The following EPS8L2 variants were observed in gnomAD, a reference collection of about 807,000 sequenced individuals.
EPS8L2 encodes the protein epidermal growth factor receptor kinase substrate 8-like protein 2.
In EPS8L2, 81 loss-of-function variants were observed where a neutral mutation model predicts 99.4. The ratio of observed to expected loss-of-function variants is 0.82; its 90% CI spans 0.68 to 0.98. The LOEUF (loss-of-function observed/expected upper bound fraction) is 0.98, where lower values mean the gene tolerates loss of function less well. Ranked by LOEUF, EPS8L2 falls within the 50% of genes least tolerant of loss-of-function variation. The pLI is 0.00. For missense variants in EPS8L2, 1,155 were observed against 968.8 expected, an observed-to-expected ratio of 1.19 and a Z score of -2.55; for synonymous variants, 509 against 407.3, an observed-to-expected ratio of 1.25 and a Z score of -3.01.
At chr11:722,316 T>C (rs1442104566) in intron 12 of EPS8L2, 85 bp from the exon 13 acceptor site, 1 of 1,565,196 alleles carries the variant, frequency 6.4e-7, no homozygotes, top group Non-Finnish European at 8.7e-7. Flanking sequence ...CAAAGTCCCT[T>C]CCCGAGGGCC....
In EPS8L2 at chr11:722,132, G is replaced by A. The variant is rs753598181; in HGVS notation, c.1026G>A (p.Glu342=). 1.2e-6 allele frequency: 2 copies of A among 1,612,958 alleles called. No homozygotes were observed. The highest frequency in any genetic ancestry group is 1.7e-6 in the Non-Finnish European group (2 of 1,179,872). The stretch of plus-strand genomic sequence containing the variant: ...ACATCCAGAACCCCAGCGCCGCGGA[G>A]CTCGTGCACTTCCTCTTCGGGCCTC... The part of the protein sequence containing the change: ...QKHIQNPSAA[E]LVHFLFGPLD... The change falls in exon 12 of 21, where the codon GAG becomes GAA. Residue 342 remains glutamate (E), a synonymous_variant. Transcript: ENST00000318562.
chr11:711,506 C>T (rs1203635991), intron 4 of EPS8L2, among the ~76,000 whole-genome samples: 2 of 151,948 alleles, frequency 1.3e-5, no homozygotes, highest in Non-Finnish European at 2.9e-5. Flanking sequence ...CCACCATGCC[C>T]ATCTAATTAT....
In EPS8L2 at chr11:725,724, G is replaced by C. The variant is rs922595710; in HGVS notation, c.1561-4G>C. ...TGGGGAGGGGCTGACGGCGCGCCCC[G>C]CAGGTGCTGGAGGACGGCCGGCAGT... On this transcript the variant is annotated splice_region_variant and splice_polypyrimidine_tract_variant and intron_variant, in intron 16 of 20. Coordinates refer to ENST00000318562, the MANE Select transcript of EPS8L2 (RefSeq NM_022772.4). 1 of 1,314,386 alleles carries C rather than the reference G, an allele frequency of 7.6e-7. No homozygotes were observed. Among genetic ancestry groups the C allele is most frequent in the Admixed American group, 4.1e-5 (1 of 24,666 alleles). The allele number at this position is 1,314,386 out of a possible 1,614,324, so 81.4% of individuals were successfully genotyped here.
intron 4 of EPS8L2, among the ~76,000 whole-genome samples, chr11:711,629 G>A (rs891966127): frequency 1.1e-4 from 17 of 152,120 alleles, no homozygotes; most frequent in Non-Finnish European, 2.1e-4. Flanking sequence ...TGAGCTCGTA[G>A]TCCAGCTACT....
In EPS8L2 at chr11:723,336, C is replaced by T; in HGVS notation, c.1437C>T (p.Ser479=). The T allele has an allele frequency of 7.0e-6, 11 of 1,566,468 alleles. No individual in the cohort carries two copies. The highest frequency in any genetic ancestry group is 4.7e-5 in the East Asian group (2 of 42,992). The change falls in exon 15 of 21, where the codon AGC becomes AGT. Residue 479 remains serine (S), a synonymous_variant. Transcript: ENST00000318562. ...TPPGDALPPV[S]SPHTHRGYQP... is the part of the protein sequence containing the mutation. ...CGGGGGATGCCCTACCACCAGTCAG[C>T]TCCCCACATACTCACAGGTAAGCCC... is the stretch of plus-strand genomic sequence containing the variant.
chr11:714,034 ATC>A (rs1163584100), intron 4 of EPS8L2, among the ~76,000 whole-genome samples: 1 of 152,096 alleles, frequency 6.6e-6, no homozygotes, highest in African/African-American at 2.4e-5. Flanking sequence ...TCCGGCCTCC[ATC>A]ATTGTGGTTT....
At position 726,097 on chromosome 11, in the gene EPS8L2, G is replaced by T; in HGVS notation, c.1681-1G>T. ...AGCCTAATCGCCCCCCGCCCCCGCA[G>T]GCCGGTCAGAAGTACTGGGGCCCCG... On this transcript the variant is annotated splice_acceptor_variant, in intron 17 of 20. Coordinates refer to ENST00000318562, the MANE Select transcript of EPS8L2 (RefSeq NM_022772.4). LOFTEE classifies it high-confidence loss of function. 6.3e-7 allele frequency: 1 copy of T among 1,585,926 alleles called. No individual in the cohort carries two copies. Among genetic ancestry groups the T allele is most frequent in the Non-Finnish European group, 8.6e-7 (1 of 1,162,016 alleles).
chr11:724,524 A>C lies in EPS8L2; in HGVS notation c.1455-200A>C, dbSNP rs1862265914. 1.7e-6 allele frequency: 1 copy of C among 588,906 alleles called. No individual in the cohort carries two copies. Among genetic ancestry groups the C allele is most frequent in the African/African-American group, 1.9e-5 (1 of 53,576 alleles). 36.5% of individuals were successfully genotyped at this position (588,906 alleles called of 1,614,324 possible). ...CCCACCTCCTGCCTGCCCCGCCTCC[A>C]CGCAGGGCCCCAAAGCTCTGGGGCT... On this transcript the variant is annotated intron_variant, in intron 15 of 20. Coordinates refer to ENST00000318562, the MANE Select transcript of EPS8L2 (RefSeq NM_022772.4). The surrounding 1 kb of genome is among the most constrained non-coding windows in gnomAD (Gnocchi z 5.5).
In EPS8L2 at chr11:725,743, C is replaced by T. The variant is rs775170562; in HGVS notation, c.1576C>T (p.Arg526Trp). 2.3e-6 allele frequency: 3 copies of T among 1,329,920 alleles called. No individual in the cohort carries two copies. Among genetic ancestry groups the T allele is most frequent in the Non-Finnish European group, 2.9e-6 (3 of 1,041,812 alleles). The allele number at this position is 1,329,920 out of a possible 1,614,324, so 82.4% of individuals were successfully genotyped here. A position where few individuals can be genotyped will look rare whatever the true frequency, so the allele number is the denominator to read the frequency against. ...CGCCCCGCAGGTGCTGGAGGACGGC[C>T]GGCAGTGGTGGAAGCTGCGCAGCCG... ...DEVLEVLEDG[R>W]QWWKLRSRSG... is the part of the protein sequence containing the mutation. Residue 526 changes from arginine (R) to tryptophan (W), a missense_variant, in exon 17 of 21, where the codon CGG (arginine) becomes TGG (tryptophan). By Grantham distance (101) the Arg-to-Trp change is moderately radical. Coordinates refer to ENST00000318562, the MANE Select transcript of EPS8L2 (RefSeq NM_022772.4).
At chr11:715,161 G>GGA (rs1861989247) in intron 4 of EPS8L2, among the ~76,000 whole-genome samples, 1 of 151,862 alleles carries the variant, frequency 6.6e-6, no homozygotes, top group South Asian at 2.1e-4. Context: ...AGAATGGCGT[G>GGA]AACCCCGGAG....
At chr11:718,126 AGTTTG>A (rs1862068804) in intron 4 of EPS8L2, among the ~76,000 whole-genome samples, 1 of 152,224 alleles carries the variant, frequency 6.6e-6, no homozygotes, top group African/African-American at 2.4e-5. Context: ...TGAAGTCAGT[AGTTTG>A]AGACCATTCT....
intron 4 of EPS8L2, 125 bp from the exon 5 acceptor site, chr11:719,937 C>A (rs1239646994): frequency 3.4e-6 from 3 of 870,286 alleles, no homozygotes; most frequent in Non-Finnish European, 5.3e-6. Context: ...CGGGGCCGGT[C>A]CCCGTTCTAG....
chr11:723,302 C>T lies in EPS8L2; in HGVS notation c.1403C>T (p.Pro468Leu), dbSNP rs1862238266. Residue 468 changes from proline (P) to leucine (L), a missense_variant, in exon 15 of 21, where the codon CCC becomes CTC. Physicochemically the swap from Pro to Leu is moderately conservative, Grantham distance 98. Coordinates refer to ENST00000318562, the MANE Select transcript of EPS8L2 (RefSeq NM_022772.4). Reference sequence around the variant, plus strand: ...CAGAAGCACAGCCCCACTTCAGAGCCCACCCCCCCGGGGGATGCCCTACCA... The same window carrying T: ...CAGAAGCACAGCCCCACTTCAGAGCTCACCCCCCCGGGGGATGCCCTACCA... ...NSQKHSPTSE[P>L]TPPGDALPPV... 1.4e-5 allele frequency: 23 copies of T among 1,602,908 alleles called. No homozygotes were observed. The highest frequency in any genetic ancestry group is 1.9e-5 in the Non-Finnish European group (22 of 1,176,134).
chr11:726,022 G>C, intron 17 of EPS8L2, 76 bp from the exon 18 acceptor site: 1 of 1,310,020 alleles, frequency 7.6e-7, no homozygotes, highest in Non-Finnish European at 1.1e-6. Flanking sequence ...GGGATTGGCG[G>C]GGTGGGGAGG....
At chr11:715,476 T>C (rs1331683917) in intron 4 of EPS8L2, among the ~76,000 whole-genome samples, 1 of 152,082 alleles carries the variant, frequency 6.6e-6, no homozygotes, top group Admixed American at 6.6e-5. Context: ...ATTTACCAAG[T>C]TTATTAACCT....
At chr11:725,138 C>CATCT (rs1035877154) in intron 16 of EPS8L2, among the ~76,000 whole-genome samples, 7 of 152,224 alleles carry the variant, frequency 4.6e-5, no homozygotes, top group African/African-American at 1.4e-4. Flanking sequence ...GGAGCCCCCA[C>CATCT]ATCTGCACTG....
In EPS8L2 at chr11:720,810, C is replaced by T; in HGVS notation, c.478-20C>T. 1.3e-6 allele frequency: 2 copies of T among 1,543,540 alleles called. No individual in the cohort carries two copies. The highest frequency in any genetic ancestry group is 1.7e-6 in the Non-Finnish European group (2 of 1,145,602). On this transcript the variant is annotated intron_variant, in intron 6 of 20. Coordinates refer to ENST00000318562, the MANE Select transcript of EPS8L2 (RefSeq NM_022772.4). ...GCGCCGCGCCCCGCCCTCCTGGCCG[C>T]CTGACGCCCGCTTTCCCAGGCAGAG... is the stretch of plus-strand genomic sequence containing the variant.
intron 1 of EPS8L2, chr11:709,129 T>C: frequency 1.9e-6 from 1 of 514,632 alleles, no homozygotes; most frequent in South Asian, 2.2e-5. Flanking sequence ...ACCTAGGGTC[T>C]GAGGCATGAC....
chr11:725,712 AC>A lies in EPS8L2; in HGVS notation c.1561-15del. 1 of 1,313,666 alleles carries A rather than the reference AC, an allele frequency of 7.6e-7. No individual in the cohort carries two copies. The highest frequency in any genetic ancestry group is 3.1e-5 in the East Asian group (1 of 32,420). The allele number at this position is 1,313,666 out of a possible 1,614,324, so 81.4% of individuals were successfully genotyped here. ...AGAGCCTGGGTGTGGGGAGGGGCTG[AC>A]GGCGCGCCCCGCAGGTGCTGGAGGA... On this transcript the variant is annotated splice_polypyrimidine_tract_variant and intron_variant, in intron 16 of 20. Coordinates refer to ENST00000318562, the MANE Select transcript of EPS8L2 (RefSeq NM_022772.4).
Sources: gnomAD v4.1 joint callset for allele counts (sites outside exome capture counted in the v4.1 genomes callset) on GRCh38, gnomAD v4.1.1 for gene constraint, Gnocchi (gnomAD v3.1) non-coding constraint, MANE v1.5 for transcripts, NCBI Gene and HGNC (gene_info 2026-07-23, HGNC 2026-07-21) for gene names.